Variants in JAKMIP1 observed in about 807,000 individuals in gnomAD.
JAKMIP1 encodes janus kinase and microtubule interacting protein 1.
Under a neutral mutation model 113.0 loss-of-function variants are expected in JAKMIP1, and 33 were observed. The ratio of observed to expected loss-of-function variants is 0.29; its 90% CI spans 0.22 to 0.39. The LOEUF is 0.39. Ranked by LOEUF, JAKMIP1 falls within the 10% of genes least tolerant of loss-of-function variation. The probability of loss-of-function intolerance (pLI) is 1.00; values close to 1 mark genes in which losing one functional copy is unlikely to be tolerated. For missense variants in JAKMIP1, 813 were observed against 1,080.5 expected (o/e 0.75, Z 3.47); for synonymous variants, 480 against 459.9 (o/e 1.04, Z -0.56).
In JAKMIP1 at chr4:6,079,016, G is replaced by A. The variant is rs748247632; in HGVS notation, c.1243-18C>T. The A allele has an allele frequency of 3.8e-5, 61 of 1,613,934 alleles. No homozygotes were observed. Among genetic ancestry groups the A allele is most frequent in the East Asian group, 2.9e-4 (13 of 44,896 alleles). ...TCTCTCTCCTAGAAGGAAACACAACGGTTGGCATTTCCAGCCAGCCTCACA... is the reference window on the plus strand; with the variant it reads ...TCTCTCTCCTAGAAGGAAACACAACAGTTGGCATTTCCAGCCAGCCTCACA... On this transcript the variant is annotated intron_variant, in intron 7 of 20. Transcript: ENST00000409021.
rs1447618469 is a variant in JAKMIP1, at chr4:6,152,809, TAC to T, written c.-147-39814_-147-39813del. On this transcript the variant is annotated intron_variant, in intron 1 of 20. Transcript: ENST00000409021. ...ATACAAATATATATATATATATATA[TAC>T]ATATATATATATAGCTGGGCATGGT... 3.4e-5 allele frequency among the ~76,000 whole-genome samples: 4 copies of T among 117,632 alleles called. 1 individual carries two copies. The highest frequency in any genetic ancestry group is 1.8e-4 in the Admixed American group (2 of 11,364). 77.2% of individuals were successfully genotyped at this position (117,632 alleles called of 152,430 possible).
chr4:6,029,572 A>G, intron 20 of JAKMIP1, 144 bp downstream of exon 20: 1 of 635,314 alleles, frequency 1.6e-6, no homozygotes, highest in South Asian at 2.0e-5. Flanking sequence ...AGCGATTTCC[A>G]TGAGATGCTG....
At chr4:6,113,680 A>G (rs1309635059) in intron 1 of JAKMIP1, among the ~76,000 whole-genome samples, 2 of 152,210 alleles carry the variant, frequency 1.3e-5, no homozygotes, top group African/African-American at 4.8e-5. Flanking sequence ...GTGAGCCAGG[A>G]CTGAGCCTAA....
chr4:6,047,447 C>T (rs1320202663), intron 16 of JAKMIP1, among the ~76,000 whole-genome samples: 10 of 152,196 alleles, frequency 6.6e-5, no homozygotes, highest in South Asian at 2.1e-4. Context: ...CCATGTGCCC[C>T]GCCCCGTGCC....
At position 6,048,643 on chromosome 4, in the gene JAKMIP1, G is replaced by A. The variant is rs545407612; in HGVS notation, c.2028+214C>T. ...AAAGTGACAGACTGTTTCCTCCACC[G>A]GGTTTTGATTTCCTCCTGCGTCTCT... On this transcript the variant is annotated intron_variant, in intron 16 of 20. Coordinates refer to ENST00000409021, the MANE Select transcript of JAKMIP1 (RefSeq NM_001099433.2). Among the ~76,000 whole-genome samples, 11 of 152,354 alleles carry A rather than the reference G, an allele frequency of 7.2e-5. No individual in the cohort carries two copies. In the East Asian group the frequency reaches 1.7e-3, roughly 24 times the overall value.
At chr4:6,046,940 T>C (rs1171678216) in intron 16 of JAKMIP1, among the ~76,000 whole-genome samples, 1 of 152,184 alleles carries the variant, frequency 6.6e-6, no homozygotes, top group East Asian at 1.9e-4. Flanking sequence ...CCAGCCACCC[T>C]GAGTCACCAG....
chr4:6,137,075 T>C lies in JAKMIP1; in HGVS notation c.-147-24078A>G, dbSNP rs553173235. On this transcript the variant is annotated intron_variant, in intron 1 of 20. Transcript: ENST00000409021. This position sits in a 1 kb window ranked among gnomAD's most constrained non-coding sequence, Gnocchi z 4.5. ...AACTCCTACACGGTGTCCCCTCCGA[T>C]GTGCCCCCACCGAGGGAATAATCAC... Among the ~76,000 whole-genome samples, 3 of 152,242 alleles carry C rather than the reference T, an allele frequency of 2.0e-5. No individual in the cohort carries two copies. The highest frequency in any genetic ancestry group is 1.3e-4 in the Admixed American group (2 of 15,300).
intron 1 of JAKMIP1, among the ~76,000 whole-genome samples, chr4:6,164,881 G>A (rs962196762): frequency 1.3e-5 from 2 of 152,212 alleles, no homozygotes; most frequent in African/African-American, 4.8e-5. Flanking sequence ...TGCTTCTTAC[G>A]GAGTACATGA....
At chr4:6,027,219 A>G (rs112104222) in intron 20 of JAKMIP1, among the ~76,000 whole-genome samples, 3,034 of 152,326 alleles carry the variant, frequency 0.02, 42 homozygotes, top group Non-Finnish European at 0.033. Flanking sequence ...TCTGAACATC[A>G]ACTGGGGCTT....
chr4:6,028,389 T>G (rs1458667683), intron 20 of JAKMIP1, among the ~76,000 whole-genome samples: 1 of 152,204 alleles, frequency 6.6e-6, no homozygotes, highest in African/African-American at 2.4e-5. Flanking sequence ...CTCGGTCCAC[T>G]TGCGACCCGG....
rs1301673511 is a variant in JAKMIP1, at chr4:6,162,842, A to G, written c.-148+37411T>C. ...CCCTAACCATCAAGGACTCTCTTGA[A>G]TCCAAAGCCACTCACTGCCACTCCC... On this transcript the variant is annotated intron_variant, in intron 1 of 20. Coordinates refer to ENST00000409021, the MANE Select transcript of JAKMIP1 (RefSeq NM_001099433.2). The surrounding 1 kb of genome is among the most constrained non-coding windows in gnomAD (Gnocchi z 5.6). Among the ~76,000 whole-genome samples, 1 of 152,158 alleles carries G rather than the reference A, an allele frequency of 6.6e-6. No individual in the cohort carries two copies.
intron 4 of JAKMIP1, 21 bp from the exon 5 acceptor site, chr4:6,084,986 A>AAG: frequency 2.6e-6 from 4 of 1,550,478 alleles, no homozygotes; most frequent in Non-Finnish European, 2.6e-6. Flanking sequence ...AAAAAAAAAA[A>AAG]AAAAAAAAGT....
rs1015229309 is a variant in JAKMIP1, at chr4:6,140,489, C to G, written c.-147-27492G>C. 6.6e-6 allele frequency among the ~76,000 whole-genome samples: 1 copy of G among 152,022 alleles called. No homozygotes were observed. The highest frequency in any genetic ancestry group is 1.5e-5 in the Non-Finnish European group (1 of 68,014). On this transcript the variant is annotated intron_variant, in intron 1 of 20. Coordinates refer to ENST00000409021, the MANE Select transcript of JAKMIP1 (RefSeq NM_001099433.2). This position sits in a 1 kb window ranked among gnomAD's most constrained non-coding sequence, Gnocchi z 9.4. ...ACTGGGGGTCAGTGATTCGTGGTCCCCCCGATCAGCTTAAGGCCCCTTCCA... is the reference window on the plus strand; with the variant it reads ...ACTGGGGGTCAGTGATTCGTGGTCCGCCCGATCAGCTTAAGGCCCCTTCCA...
At chr4:6,046,792 G>T (rs529900205) in intron 16 of JAKMIP1, among the ~76,000 whole-genome samples, 3 of 152,202 alleles carry the variant, frequency 2.0e-5, no homozygotes, top group Non-Finnish European at 4.4e-5. Flanking sequence ...TGGGTCGGGC[G>T]TGGGGAGGGG....
At chr4:6,110,398 G>C (rs1026301348) in intron 2 of JAKMIP1, among the ~76,000 whole-genome samples, 1 of 151,644 alleles carries the variant, frequency 6.6e-6, no homozygotes, top group African/African-American at 2.4e-5. Flanking sequence ...CTGTGAGACA[G>C]CAATCGTCTG....
At chr4:6,113,648 C>T (rs922149860) in intron 1 of JAKMIP1, among the ~76,000 whole-genome samples, 2 of 152,220 alleles carry the variant, frequency 1.3e-5, no homozygotes, top group African/African-American at 2.4e-5. Flanking sequence ...TGAACCTGAT[C>T]AAGGTCCACA....
In JAKMIP1 at chr4:6,188,700, T is replaced by G. The variant is rs1036096891; in HGVS notation, c.-148+11553A>C. Among the ~76,000 whole-genome samples the G allele has an allele frequency of 6.6e-6, 1 of 152,152 alleles. No individual in the cohort carries two copies. Among genetic ancestry groups the G allele is most frequent in the Admixed American group, 6.5e-5 (1 of 15,288 alleles). ...CATCTTCTGGCTAGAGCACCCCAAT[T>G]TTTAATATCCTATCCAGCAATAAGA... is the stretch of plus-strand genomic sequence containing the variant. On this transcript the variant is annotated intron_variant, in intron 1 of 20. Transcript: ENST00000409021. The surrounding 1 kb of genome is among the most constrained non-coding windows in gnomAD (Gnocchi z 5.8).
chr4:6,029,803 G>A (rs1193223071), intron 19 of JAKMIP1, 22 bp from the exon 20 acceptor site: 3 of 1,547,942 alleles, frequency 1.9e-6, no homozygotes, highest in Non-Finnish European at 2.7e-6. Flanking sequence ...CAGGTTACGT[G>A]TCAGAAAAAG....
intron 3 of JAKMIP1, among the ~76,000 whole-genome samples, chr4:6,091,101 T>C (rs1237432436): frequency 6.6e-6 from 1 of 152,236 alleles, no homozygotes; most frequent in East Asian, 1.9e-4. Context: ...TCTGAATGTG[T>C]TGCCATGGGC....
Sources: gnomAD v4.1 joint callset for allele counts (sites outside exome capture counted in the v4.1 genomes callset) on GRCh38, gnomAD v4.1.1 for gene constraint, Gnocchi (gnomAD v3.1) non-coding constraint, MANE v1.5 for transcripts, NCBI Gene and HGNC (gene_info 2026-07-23, HGNC 2026-07-21) for gene names.